Variants in SECTM1 observed in about 807,000 individuals in gnomAD.
SECTM1 encodes the protein secreted and transmembrane 1.
Under a neutral mutation model 18.1 loss-of-function variants are expected in SECTM1, and 10 were observed. That is an observed-to-expected ratio of 0.55 (90% CI 0.34 to 0.94). SECTM1 has a LOEUF of 0.94. Ranked by LOEUF, SECTM1 falls within the 40% of genes least tolerant of loss-of-function variation. SECTM1 has a pLI of 0.02. For missense variants in SECTM1, 297 were observed against 322.6 expected (o/e 0.92, Z 0.61); for synonymous variants, 137 against 139.2 (o/e 0.98, Z 0.11).
At position 82,327,102 on chromosome 17, in the gene SECTM1, C is replaced by T. The variant is rs377469381; in HGVS notation, c.94+45G>A. ...CCTCCTGCCCCTGTCATGCCCCCAC[C>T]GGGCCCCCCTTTCCCCAGCAGAGAG... is the stretch of plus-strand genomic sequence containing the variant. On this transcript the variant is annotated intron_variant, in intron 2 of 4. Transcript: ENST00000269389. 1.7e-5 allele frequency: 25 copies of T among 1,481,338 alleles called. No homozygotes were observed. The East Asian group carries it at 2.1e-4, about 13-fold the overall frequency. 91.8% of individuals were successfully genotyped at this position (1,481,338 alleles called of 1,614,324 possible). A position where few individuals can be genotyped will look rare whatever the true frequency, so the allele number is the denominator to read the frequency against.
At chr17:82,322,765 C>G (rs1044466310) in intron 4 of SECTM1, 113 bp downstream of exon 4, 3 of 1,330,322 alleles carry the variant, frequency 2.3e-6, no homozygotes, top group Non-Finnish European at 3.1e-6. Context: ...CGGTGCTCCC[C>G]CCACCCTCTC....
rs1006901853 is a variant in SECTM1, at chr17:82,325,600, GTCTC to G, written c.95-714_95-711del. On this transcript the variant is annotated intron_variant, in intron 2 of 4. Transcript: ENST00000269389. The surrounding 1 kb of genome is among the most constrained non-coding windows in gnomAD (Gnocchi z 7.6). The stretch of plus-strand genomic sequence containing the variant: ...GTCCTTGACACAAGCCGGCGTGTCA[GTCTC>G]TCTCTCCCGCCTCCTGGGTGAACCC... Among the ~76,000 whole-genome samples, 3 of 152,222 alleles carry G rather than the reference GTCTC, an allele frequency of 2.0e-5. No individual in the cohort carries two copies. Among genetic ancestry groups the G allele is most frequent in the African/African-American group, 7.2e-5 (3 of 41,448 alleles).
rs202089016 is a variant in SECTM1, at chr17:82,324,775, G to T, written c.210C>A (p.Ala70=). The T allele has an allele frequency of 6.2e-7, 1 of 1,613,996 alleles. No homozygotes were observed. The highest frequency in any genetic ancestry group is 1.1e-5 in the South Asian group (1 of 91,082). ...AFSHVNIKLR[A]HGQESAIFNE... is the part of the protein sequence containing the mutation. The stretch of plus-strand genomic sequence containing the variant: ...TGAAGATGGCGCTCTCCTGCCCGTG[G>T]GCACGCAGCTTGATGTTGACATGGG... The change falls in exon 3 of 5, where the codon GCC becomes GCA. Residue 70 remains alanine, a synonymous_variant. Coordinates refer to ENST00000269389, the MANE Select transcript of SECTM1 (RefSeq NM_003004.3).
rs1331626859 is a variant in SECTM1 at position 82,323,691 on chromosome 17, G to A, written c.404-680C>T. 2.0e-5 allele frequency among the ~76,000 whole-genome samples: 3 copies of A among 152,174 alleles called. No homozygotes were observed. In the East Asian group the frequency reaches 5.8e-4, roughly 29 times the overall value. ...GGGGGCTGCTCTGCTGGCCACCACT[G>A]CTTTCTGGTTGAACCAGATAAGTAG... On this transcript the variant is annotated intron_variant, in intron 3 of 4. Transcript: ENST00000269389.
In SECTM1 at chr17:82,330,159, T is replaced by C. The variant is rs2052180231; in HGVS notation, c.-52-2867A>G. 6.6e-6 allele frequency among the ~76,000 whole-genome samples: 1 copy of C among 152,104 alleles called. No individual in the cohort carries two copies. The highest frequency in any genetic ancestry group is 1.5e-5 in the Non-Finnish European group (1 of 67,998). On this transcript the variant is annotated intron_variant, in intron 1 of 4. Transcript: ENST00000269389. The surrounding 1 kb of genome is among the most constrained non-coding windows in gnomAD (Gnocchi z 6.1). ...ACGATGCCAGCTCAGCCACCCACCTTGGAACCGTGCAGATGGACAGCAGGG... is the reference window on the plus strand; with the variant it reads ...ACGATGCCAGCTCAGCCACCCACCTCGGAACCGTGCAGATGGACAGCAGGG...
In SECTM1 at chr17:82,322,014, C is replaced by T. The variant is rs1029317509; in HGVS notation, c.*147G>A. 41 of 685,562 alleles carry T rather than the reference C, an allele frequency of 6.0e-5. No homozygotes were observed. The highest frequency in any genetic ancestry group is 8.9e-5 in the Non-Finnish European group (36 of 402,438). 42.5% of individuals were successfully genotyped at this position (685,562 alleles called of 1,614,324 possible). Reference sequence around the variant, plus strand: ...GGGGGGTGGAGGGGAAGGGTCTGCACGCACCCAGGAGTGGGTGACACAGAG... The same window carrying T: ...GGGGGGTGGAGGGGAAGGGTCTGCATGCACCCAGGAGTGGGTGACACAGAG... On this transcript the variant is annotated 3_prime_UTR_variant, in exon 5 of 5. Transcript: ENST00000269389.
In SECTM1 at chr17:82,321,874, C is replaced by G. The variant is rs942220940; in HGVS notation, c.*287G>C. ...AGCCTGGGGTGGCAGAAAGGGAGTC[C>G]GGGTCTGTGGGTTTGATGAGGGCAG... On this transcript the variant is annotated 3_prime_UTR_variant, in exon 5 of 5. Transcript: ENST00000269389. 4.8e-6 allele frequency: 2 copies of G among 420,342 alleles called. No homozygotes were observed. The highest frequency in any genetic ancestry group is 1.0e-4 in the East Asian group (2 of 19,184). 26.0% of individuals were successfully genotyped at this position (420,342 alleles called of 1,614,324 possible).
At position 82,328,753 on chromosome 17, in the gene SECTM1, C is replaced by CT. The variant is rs1052445019; in HGVS notation, c.-52-1462dup. On this transcript the variant is annotated intron_variant, in intron 1 of 4. Transcript: ENST00000269389. The surrounding 1 kb of genome is among the most constrained non-coding windows in gnomAD (Gnocchi z 5.8). Reference sequence around the variant, plus strand: ...CAGCAGGAGCCCTGGCAGGACACGCCTTTCAGCCGAGAGAACTCCACCTTC... The same window carrying CT: ...CAGCAGGAGCCCTGGCAGGACACGCCTTTTCAGCCGAGAGAACTCCACCTTC... Among the ~76,000 whole-genome samples, 1 of 152,188 alleles carries CT rather than the reference C, an allele frequency of 6.6e-6. No individual in the cohort carries two copies. Among genetic ancestry groups the CT allele is most frequent in the Non-Finnish European group, 1.5e-5 (1 of 68,020 alleles).
rs1132114 is a variant in SECTM1 at position 82,321,552 on chromosome 17, G to A, written c.*609C>T. 66,465 of 152,850 alleles carry A rather than the reference G, an allele frequency of 0.43. 16,233 individuals are homozygous for A. Among genetic ancestry groups the A allele is most frequent in the Non-Finnish European group, 0.56 (38,413 of 68,152 alleles). The allele number at this position is 152,850 out of a possible 1,614,324, so 9.5% of individuals were successfully genotyped here. A position where few individuals can be genotyped will look rare whatever the true frequency, so the allele number is the denominator to read the frequency against. Reference sequence around the variant, plus strand: ...GGATGCGCGTCCAGCCCCGGAGGGCGGCGTCCACCTGACCCCCCAGCCCGA... The same window carrying A: ...GGATGCGCGTCCAGCCCCGGAGGGCAGCGTCCACCTGACCCCCCAGCCCGA... On this transcript the variant is annotated 3_prime_UTR_variant, in exon 5 of 5. Coordinates refer to ENST00000269389, the MANE Select transcript of SECTM1 (RefSeq NM_003004.3).
At position 82,322,135 on chromosome 17, in the gene SECTM1, C is replaced by T. The variant is rs1468697651; in HGVS notation, c.*26G>A. ...AGGTCGGCACTCAGGGCTGGCTCTC[C>T]TGTGTCCTCTCTGCCTTGCAGGCGG... On this transcript the variant is annotated 3_prime_UTR_variant, in exon 5 of 5. Transcript: ENST00000269389. 1.9e-6 allele frequency: 3 copies of T among 1,612,184 alleles called. No individual in the cohort carries two copies. The highest frequency in any genetic ancestry group is 2.5e-6 in the Non-Finnish European group (3 of 1,178,710).
In SECTM1 at chr17:82,324,743, A is replaced by C. The variant is rs2052130821; in HGVS notation, c.242T>G (p.Val81Gly). The C allele has an allele frequency of 6.2e-7, 1 of 1,614,068 alleles. No homozygotes were observed. The highest frequency in any genetic ancestry group is 1.1e-5 in the South Asian group (1 of 91,074). The change falls in exon 3 of 5, where the codon GTG becomes GGG. Residue 81 changes from valine (V) to glycine (G), a missense_variant. By Grantham distance (109) the Val-to-Gly change is moderately radical. Coordinates refer to ENST00000269389, the MANE Select transcript of SECTM1 (RefSeq NM_003004.3). ...HGQESAIFNE[V>G]APGYFSRDGW... ...GTCCCGGGAGAAGTAGCCTGGAGCCACCTCATTGAAGATGGCGCTCTCCTG... is the reference window on the plus strand; with the variant it reads ...GTCCCGGGAGAAGTAGCCTGGAGCCCCCTCATTGAAGATGGCGCTCTCCTG...
At chr17:82,327,667 A>T (rs755922179) in intron 1 of SECTM1, among the ~76,000 whole-genome samples, 4 of 152,102 alleles carry the variant, frequency 2.6e-5, no homozygotes, top group Non-Finnish European at 4.4e-5. Flanking sequence ...ACCTAACACT[A>T]TACTAAGACC....
chr17:82,333,221 A>T (rs534247856), intron 1 of SECTM1, among the ~76,000 whole-genome samples: 1 of 152,314 alleles, frequency 6.6e-6, no homozygotes, highest in Non-Finnish European at 1.5e-5. Flanking sequence ...TTTTGCTCCC[A>T]GCTTGGTCGC....
At chr17:82,324,960 A>T in intron 2 of SECTM1, 70 bp from the exon 3 acceptor site, 1 of 1,426,330 alleles carries the variant, frequency 7.0e-7, no homozygotes, top group Non-Finnish European at 9.5e-7. Context: ...TGCTGTGCCC[A>T]GGGCCAGGGC....
In SECTM1 at chr17:82,326,652, T is replaced by C. The variant is rs1227751827; in HGVS notation, c.94+495A>G. Among the ~76,000 whole-genome samples, 1 of 151,718 alleles carries C rather than the reference T, an allele frequency of 6.6e-6. No individual in the cohort carries two copies. Among genetic ancestry groups the C allele is most frequent in the East Asian group, 1.9e-4 (1 of 5,188 alleles). On this transcript the variant is annotated intron_variant, in intron 2 of 4. Transcript: ENST00000269389. This position sits in a 1 kb window ranked among gnomAD's most constrained non-coding sequence, Gnocchi z 4.3. ...GAAAAGAAAAGCCCCTCAGGTCACT[T>C]TGCTGACAGGTTGGGGATCTAGAGA...
intron 4 of SECTM1, 116 bp from the exon 5 acceptor site, chr17:82,322,486 C>T: frequency 1.0e-6 from 1 of 989,472 alleles, no homozygotes; most frequent in Non-Finnish European, 1.5e-6. Flanking sequence ...CCCCCACCCC[C>T]AGGCACACTC....
chr17:82,327,849 A>G (rs965118387), intron 1 of SECTM1, among the ~76,000 whole-genome samples: 1 of 151,970 alleles, frequency 6.6e-6, no homozygotes, highest in African/African-American at 2.4e-5. Context: ...TCACTCACAG[A>G]GACCCTCACA....
rs2052134704 is a variant in SECTM1 at position 82,325,097 on chromosome 17, T to C, written c.95-207A>G. On this transcript the variant is annotated intron_variant, in intron 2 of 4. Transcript: ENST00000269389. This position sits in a 1 kb window ranked among gnomAD's most constrained non-coding sequence, Gnocchi z 7.6. The stretch of plus-strand genomic sequence containing the variant: ...CAAAAAAGACGGGTGGCTCTGTGTG[T>C]GTGTATGTGTGTGTGTGTGCGTGCT... Among the ~76,000 whole-genome samples the C allele has an allele frequency of 6.6e-6, 1 of 152,060 alleles. No individual in the cohort carries two copies. The highest frequency in any genetic ancestry group is 2.4e-5 in the African/African-American group (1 of 41,380).
At position 82,330,490 on chromosome 17, in the gene SECTM1, C is replaced by T. The variant is rs904853480; in HGVS notation, c.-52-3198G>A. Among the ~76,000 whole-genome samples the T allele has an allele frequency of 1.3e-5, 2 of 152,168 alleles. No individual in the cohort carries two copies. The highest frequency in any genetic ancestry group is 1.3e-4 in the Admixed American group (2 of 15,284). On this transcript the variant is annotated intron_variant, in intron 1 of 4. Coordinates refer to ENST00000269389, the MANE Select transcript of SECTM1 (RefSeq NM_003004.3). The surrounding 1 kb of genome is among the most constrained non-coding windows in gnomAD (Gnocchi z 6.1). Reference sequence around the variant, plus strand: ...GCCACCCGTCTGTGTCCTGAGTCAGCCCTGACTCGGCAGAGAGCTGCACCC... The same window carrying T: ...GCCACCCGTCTGTGTCCTGAGTCAGTCCTGACTCGGCAGAGAGCTGCACCC...
Sources: allele counts gnomAD v4.1 joint callset (sites outside exome capture counted in the v4.1 genomes callset), GRCh38; gene constraint gnomAD v4.1.1; non-coding constraint Gnocchi (gnomAD v3.1); transcripts MANE v1.5; gene names NCBI Gene and HGNC (gene_info 2026-07-23, HGNC 2026-07-21).